Variants in FAM161A observed in about 807,000 individuals in gnomAD.
FAM161A encodes the protein protein FAM161A.
Under a neutral mutation model 70.9 loss-of-function variants are expected in FAM161A, and 57 were observed. The observed-to-expected ratio is 0.80, with a 90% CI of 0.65 to 1.00. FAM161A has a LOEUF of 1.00. FAM161A is among the 50% of genes least tolerant of loss of function. The pLI, the probability that FAM161A is intolerant of heterozygous loss-of-function variation, is 0.00. For missense variants in FAM161A, 880 were observed against 836.0 expected (o/e 1.05, Z -0.65); for synonymous variants, 299 against 295.7 (o/e 1.01, Z -0.12).
chr2:61,841,103 T>C (rs1244090950), intron 2 of FAM161A, among the ~76,000 whole-genome samples: 1 of 152,228 alleles, frequency 6.6e-6, no homozygotes, highest in Non-Finnish European at 1.5e-5. Context: ...GAACCTGAGA[T>C]GGCAGAGGGT....
At chr2:61,804,758 GA>G in the FAM161A span, among the ~76,000 whole-genome samples, 2 of 66,374 alleles carry the variant, frequency 3.0e-5, no homozygotes, top group Non-Finnish European at 5.9e-5. Context: ...AAGAAAGAAA[GA>G]AAAAGAAAGA....
downstream of FAM161A, among the ~76,000 whole-genome samples, chr2:61,824,132 T>C (rs967296082): frequency 1.3e-5 from 2 of 151,368 alleles, no homozygotes; most frequent in Non-Finnish European, 2.9e-5. Flanking sequence ...GTTCAGGCCA[T>C]TCTCCTGCCT....
At chr2:61,832,888 A>G (rs1672636063) in intron 5 of FAM161A, among the ~76,000 whole-genome samples, 1 of 152,164 alleles carries the variant, frequency 6.6e-6, no homozygotes, top group Admixed American at 6.5e-5. Context: ...TAGCGCCAAA[A>G]AGGTTGAGGA....
At chr2:61,849,442 C>G (rs1673419603) in intron 1 of FAM161A, among the ~76,000 whole-genome samples, 1 of 151,262 alleles carries the variant, frequency 6.6e-6, no homozygotes, top group South Asian at 2.1e-4. Context: ...GAGTTTGAGA[C>G]CACCCTGGGC....
chr2:61,817,594 C>G, the FAM161A span, among the ~76,000 whole-genome samples: 1 of 152,204 alleles, frequency 6.6e-6, no homozygotes, highest in African/African-American at 2.4e-5. Context: ...CATTCAAGCC[C>G]AGCATTGAGA....
chr2:61,845,594 G>A (rs542089430), intron 1 of FAM161A, among the ~76,000 whole-genome samples: 1 of 152,094 alleles, frequency 6.6e-6, no homozygotes, highest in Non-Finnish European at 1.5e-5. Context: ...AGGCTGCAGT[G>A]GGAGGACTGC....
downstream of FAM161A, among the ~76,000 whole-genome samples, chr2:61,823,694 C>T (rs1672260372): frequency 1.3e-5 from 2 of 151,898 alleles, no homozygotes; most frequent in Admixed American, 6.6e-5. Context: ...TACATATATA[C>T]GTGTGTGTTT....
chr2:61,807,248 G>A, the FAM161A span, among the ~76,000 whole-genome samples: 2 of 151,398 alleles, frequency 1.3e-5, no homozygotes, highest in African/African-American at 4.9e-5. Context: ...AAGCAAGTTA[G>A]TTCTTGAAAT....
intron 4 of FAM161A, chr2:61,836,905 G>A: frequency 5.0e-6 from 1 of 200,346 alleles, no homozygotes; most frequent in Non-Finnish European, 1.1e-5. Context: ...TCACTTTGTT[G>A]TCCAGGCTGG....
chr2:61,849,674 A>G (rs1207046247), intron 1 of FAM161A, among the ~76,000 whole-genome samples: 1 of 150,920 alleles, frequency 6.6e-6, no homozygotes, highest in African/African-American at 2.4e-5. Flanking sequence ...AGTCCTAGCT[A>G]CTCAGGAGGC....
chr2:61,810,682 A>T, the FAM161A span, among the ~76,000 whole-genome samples: 1 of 150,724 alleles, frequency 6.6e-6, no homozygotes, highest in Admixed American at 6.6e-5. Context: ...CTTGTCTCGA[A>T]CTCCCGACCT....
chr2:61,817,928 A>G, the FAM161A span, among the ~76,000 whole-genome samples: 6 of 152,176 alleles, frequency 3.9e-5, no homozygotes, highest in Non-Finnish European at 7.4e-5. Flanking sequence ...ACTGCACTCC[A>G]GCCTGGGTGA....
intron 1 of FAM161A, 64 bp from the exon 2 acceptor site, chr2:61,842,424 G>T (rs569866747): frequency 2.0e-6 from 2 of 987,264 alleles, no homozygotes; most frequent in South Asian, 1.5e-5. Flanking sequence ...AGCTGACACT[G>T]ATCCAAAATG....
chr2:61,839,330 T>C, intron 3 of FAM161A, 91 bp downstream of exon 3: 1 of 1,123,976 alleles, frequency 8.9e-7, no homozygotes, highest in Admixed American at 1.8e-5. Context: ...AATTTCTAAG[T>C]ATTTTCAAAT....
At chr2:61,832,250 C>A (rs77749740) in intron 5 of FAM161A, among the ~76,000 whole-genome samples, 75,502 of 140,542 alleles carry the variant, frequency 0.54, 21,060 homozygotes, top group East Asian at 0.77. Flanking sequence ...CACACACACA[C>A]AAAAAAAAAC....
chr2:61,826,168 T>C lies in FAM161A; in HGVS notation c.*287A>G. 1 of 559,744 alleles carries C rather than the reference T, an allele frequency of 1.8e-6. No homozygotes were observed. The highest frequency in any genetic ancestry group is 3.4e-6 in the Non-Finnish European group (1 of 297,136). The allele number at this position is 559,744 out of a possible 1,614,324, so 34.7% of individuals were successfully genotyped here. A position where few individuals can be genotyped will look rare whatever the true frequency, so the allele number is the denominator to read the frequency against. On this transcript the variant is annotated 3_prime_UTR_variant, in exon 7 of 7. Transcript: ENST00000404929. ...ATTAATGAAATAATGTATATTTTTA[T>C]AACTAATCAGTTTGTGACAGCTGTG...
the FAM161A span, among the ~76,000 whole-genome samples, chr2:61,816,029 G>A: frequency 1.3e-5 from 2 of 152,228 alleles, no homozygotes; most frequent in South Asian, 2.1e-4. Context: ...ACCAGTTACT[G>A]CTGGCTCTGC....
the FAM161A span, among the ~76,000 whole-genome samples, chr2:61,807,600 A>G: frequency 7.0e-6 from 1 of 143,798 alleles, no homozygotes; most frequent in Non-Finnish European, 1.5e-5. Context: ...CTATTTTGGG[A>G]CCCTGAAAGG....
chr2:61,813,260 A>G, the FAM161A span, among the ~76,000 whole-genome samples: 1 of 151,956 alleles, frequency 6.6e-6, no homozygotes, highest in East Asian at 1.9e-4. Context: ...ACATAGAGAG[A>G]CCTTATCTCT....
Sources: gnomAD v4.1 joint callset for allele counts (sites outside exome capture counted in the v4.1 genomes callset) on GRCh38, gnomAD v4.1.1 for gene constraint, MANE v1.5 for transcripts, NCBI Gene and HGNC (gene_info 2026-07-23, HGNC 2026-07-21) for gene names.